NEGR1: variants seen among roughly 807,000 people sequenced by gnomAD.
NEGR1 encodes IgLON family member 4.
A neutral mutation model predicts 40.9 loss-of-function variants in NEGR1; 10 were observed. The ratio of observed to expected loss-of-function variants is 0.24; its 90% CI spans 0.15 to 0.42. The LOEUF is 0.42. Ranked by LOEUF, NEGR1 falls within the 10% of genes least tolerant of loss-of-function variation. NEGR1 has a pLI of 1.00. For missense variants in NEGR1, 352 were observed against 438.9 expected, an observed-to-expected ratio of 0.80 and a Z score of 1.77; for synonymous variants, 185 against 166.8, an observed-to-expected ratio of 1.11 and a Z score of -0.84.
intron 1 of NEGR1, among the ~76,000 whole-genome samples, chr1:72,239,862 G>A (rs909285010): frequency 2.0e-5 from 3 of 151,748 alleles, no homozygotes; most frequent in East Asian, 1.9e-4. Flanking sequence ...ATTGAACTCC[G>A]ATGATTTTAT....
chr1:71,753,120 C>A (rs1482565895), intron 3 of NEGR1, among the ~76,000 whole-genome samples: 1 of 151,914 alleles, frequency 6.6e-6, no homozygotes, highest in Non-Finnish European at 1.5e-5. Context: ...TTCTTTCACT[C>A]AAAAATGCAA....
intron 4 of NEGR1, among the ~76,000 whole-genome samples, chr1:71,639,992 T>C (rs1048048669): frequency 3.3e-5 from 5 of 152,072 alleles, no homozygotes; most frequent in African/African-American, 9.7e-5. Context: ...TCTGCTTCTT[T>C]TCCTGAATGG....
chr1:71,860,612 T>G (rs1285441256), intron 2 of NEGR1, among the ~76,000 whole-genome samples: 1 of 151,998 alleles, frequency 6.6e-6, no homozygotes, highest in African/African-American at 2.4e-5. Flanking sequence ...AGACTTACCT[T>G]AAATTTACTG....
chr1:72,060,020 G>T (rs181741656), intron 1 of NEGR1, among the ~76,000 whole-genome samples: 52 of 151,718 alleles, frequency 3.4e-4, no homozygotes, highest in African/African-American at 1.2e-3. Flanking sequence ...AGGTTTTAAA[G>T]AATCCATCTT....
rs1659639703 is a variant in NEGR1 at position 71,852,605 on chromosome 1, C to T, written c.410-76308G>A. Among the ~76,000 whole-genome samples the T allele has an allele frequency of 6.6e-5, 10 of 151,898 alleles. No homozygotes were observed. In the South Asian group the frequency reaches 2.1e-3, roughly 32 times the overall value. Reference sequence around the variant, plus strand: ...TGTGCAACATTTCCAGACAATAGACCACAACTGTTTTGTTTTGTTTTGTTT... The same window carrying T: ...TGTGCAACATTTCCAGACAATAGACTACAACTGTTTTGTTTTGTTTTGTTT... On this transcript the variant is annotated intron_variant, in intron 2 of 6. Transcript: ENST00000357731.
intron 6 of NEGR1, chr1:71,477,493 C>T (rs1163007806): frequency 3.9e-5 from 6 of 152,128 alleles, no homozygotes; most frequent in Admixed American, 3.3e-4. Context: ...CTCCTGAGTC[C>T]ATGATTCTTG....
intron 6 of NEGR1, among the ~76,000 whole-genome samples, chr1:71,511,548 G>A (rs1647073164): frequency 6.6e-6 from 1 of 152,120 alleles, no homozygotes; most frequent in Non-Finnish European, 1.5e-5. Flanking sequence ...AAGAGTCTAG[G>A]CTTCTAAGAG....
intron 2 of NEGR1, among the ~76,000 whole-genome samples, chr1:71,804,717 G>A (rs956705280): frequency 6.6e-6 from 1 of 152,166 alleles, no homozygotes; most frequent in Non-Finnish European, 1.5e-5. Context: ...AAACTGAGGA[G>A]GATGTATGTT....
chr1:72,052,790 C>T (rs945628073), intron 1 of NEGR1, among the ~76,000 whole-genome samples: 10 of 151,382 alleles, frequency 6.6e-5, no homozygotes, highest in African/African-American at 2.4e-4. Context: ...GAATAAAATG[C>T]ATGCTAATTT....
At chr1:71,590,854 T>C (rs1459937648) in intron 6 of NEGR1, among the ~76,000 whole-genome samples, 1 of 152,180 alleles carries the variant, frequency 6.6e-6, no homozygotes, top group Non-Finnish European at 1.5e-5. Flanking sequence ...CATTAATCCA[T>C]CCATTCATTT....
chr1:71,527,843 C>T (rs1647240587), intron 6 of NEGR1, among the ~76,000 whole-genome samples: 1 of 151,146 alleles, frequency 6.6e-6, no homozygotes, highest in Non-Finnish European at 1.5e-5. Flanking sequence ...TTAGAAACCT[C>T]TATTATCTAT....
Position 72,232,601 on chromosome 1 carries a change from AT to A in NEGR1, c.176+49717del, listed in dbSNP as rs1037949097. 2.0e-5 allele frequency among the ~76,000 whole-genome samples: 3 copies of A among 151,792 alleles called. No homozygotes were observed. The South Asian group carries it at 6.2e-4, about 31-fold the overall frequency. ...ACTATGTTGTGACAGGTTAAGCAATATTTTTTTTCTTTTAGTGTAATAGCAA... is the reference window on the plus strand; with the variant it reads ...ACTATGTTGTGACAGGTTAAGCAATATTTTTTTCTTTTAGTGTAATAGCAA... On this transcript the variant is annotated intron_variant, in intron 1 of 6. Coordinates refer to ENST00000357731, the MANE Select transcript of NEGR1 (RefSeq NM_173808.3).
intron 2 of NEGR1, among the ~76,000 whole-genome samples, chr1:71,901,362 T>C (rs1570480433): frequency 6.6e-6 from 1 of 152,296 alleles, no homozygotes; most frequent in African/African-American, 2.4e-5. Flanking sequence ...TCTGGTACAT[T>C]TCTTATTTAT....
intron 1 of NEGR1, among the ~76,000 whole-genome samples, chr1:72,042,847 T>C (rs529863738): frequency 6.6e-6 from 1 of 151,988 alleles, no homozygotes; most frequent in Non-Finnish European, 1.5e-5. Flanking sequence ...ATTTAGAAAA[T>C]GTAAAGGATC....
chr1:71,711,214 A>C (rs893380082), intron 3 of NEGR1, among the ~76,000 whole-genome samples: 2 of 151,212 alleles, frequency 1.3e-5, no homozygotes, highest in African/African-American at 4.9e-5. Flanking sequence ...GTGCGGTGCC[A>C]GGCGCCTGCA....
intron 2 of NEGR1, among the ~76,000 whole-genome samples, chr1:71,803,112 A>T (rs1402484349): frequency 6.6e-6 from 1 of 152,148 alleles, no homozygotes; most frequent in African/African-American, 2.4e-5. Flanking sequence ...AAGGGTTTGT[A>T]GACAGGGCCT....
chr1:71,837,542 C>T (rs183234986), intron 2 of NEGR1, among the ~76,000 whole-genome samples: 37 of 152,140 alleles, frequency 2.4e-4, no homozygotes, highest in African/African-American at 7.7e-4. Flanking sequence ...CATTCAGTCA[C>T]GTTTGTTGCC....
rs571063940 is a variant in NEGR1 at position 71,642,954 on chromosome 1, C to G, written c.668-31808G>C. On this transcript the variant is annotated intron_variant, in intron 4 of 6. Coordinates refer to ENST00000357731, the MANE Select transcript of NEGR1 (RefSeq NM_173808.3). ...GTATTACTGAGACTTTTAGGTAGGG[C>G]TAAGTATATTCAGAAGTGAATAAAG... Among the ~76,000 whole-genome samples the G allele has an allele frequency of 4.0e-5, 6 of 151,672 alleles. No homozygotes were observed. In the South Asian group the frequency reaches 6.3e-4, roughly 16 times the overall value.
intron 1 of NEGR1, among the ~76,000 whole-genome samples, chr1:72,182,987 T>C (rs1343755816): frequency 3.3e-5 from 5 of 152,022 alleles, no homozygotes; most frequent in Non-Finnish European, 5.9e-5. Context: ...CATGAAGAAG[T>C]CATTCATCTA....
Sources: allele counts gnomAD v4.1 joint callset (sites outside exome capture counted in the v4.1 genomes callset), GRCh38; gene constraint gnomAD v4.1.1; transcripts MANE v1.5; gene names NCBI Gene and HGNC (gene_info 2026-07-23, HGNC 2026-07-21).